Variants in PSMA1 observed in about 807,000 individuals in gnomAD.
PSMA1 encodes proteasome 20S subunit alpha 1.
In PSMA1, 3 loss-of-function variants were observed where a neutral mutation model predicts 38.4. That is an observed-to-expected ratio of 0.08 (90% CI 0.04 to 0.20). The LOEUF is 0.20. PSMA1 is among the 10% of genes least tolerant of loss of function. The pLI, the probability that PSMA1 is intolerant of heterozygous loss-of-function variation, is 1.00. For synonymous variants in PSMA1, 101 were observed against 107.1 expected, an observed-to-expected ratio of 0.94 and a Z score of 0.35; for missense variants, 227 against 325.3, an observed-to-expected ratio of 0.70 and a Z score of 2.32.
chr11:14,585,693 C>T (rs905214763), intron 2 of PSMA1, among the ~76,000 whole-genome samples: 1 of 152,336 alleles, frequency 6.6e-6, no homozygotes, highest in Non-Finnish European at 1.5e-5. Flanking sequence ...CTTTTATTCG[C>T]CCCTCCTACT....
intron 7 of PSMA1, 117 bp downstream of exon 7, chr11:14,513,453 T>TA: frequency 8.8e-7 from 1 of 1,133,740 alleles, no homozygotes; most frequent in Non-Finnish European, 1.1e-6. Flanking sequence ...TAATTTTTTT[T>TA]AAAAAAATTC....
At chr11:14,565,661 A>G (rs1467134211) in intron 2 of PSMA1, among the ~76,000 whole-genome samples, 4 of 152,350 alleles carry the variant, frequency 2.6e-5, no homozygotes, top group East Asian at 1.9e-4. Flanking sequence ...AATCCTTGGT[A>G]TATCATGGAG....
chr11:14,523,824 C>T (rs969386871), upstream of PSMA1, among the ~76,000 whole-genome samples: 1 of 151,790 alleles, frequency 6.6e-6, no homozygotes, highest in Non-Finnish European at 1.5e-5. Flanking sequence ...CTCAAGCTAT[C>T]CTCCTGCCTG....
At chr11:14,590,787 G>A (rs1193014870) in intron 2 of PSMA1, among the ~76,000 whole-genome samples, 2 of 152,296 alleles carry the variant, frequency 1.3e-5, no homozygotes, top group East Asian at 1.9e-4. Flanking sequence ...AGACCCGCAC[G>A]CCCAGATGAC....
chr11:14,534,905 GTC>G lies in PSMA1; in HGVS notation c.22-15866_22-15865del, dbSNP rs1459747326. ...AGCCTGGCCAACATGGCAAAACCCC[GTC>G]TCTACTAAAAATACAAAATTAGCGG... On this transcript the variant is annotated intron_variant, in intron 2 of 10. Transcript: ENST00000418988. The surrounding 1 kb of genome is among the most constrained non-coding windows in gnomAD (Gnocchi z 4.5). 6.6e-6 allele frequency among the ~76,000 whole-genome samples: 1 copy of G among 151,954 alleles called. No individual in the cohort carries two copies. Among genetic ancestry groups the G allele is most frequent in the Non-Finnish European group, 1.5e-5 (1 of 67,984 alleles).
At chr11:14,632,527 G>A (rs1189774876) in intron 1 of PSMA1, among the ~76,000 whole-genome samples, 1 of 148,788 alleles carries the variant, frequency 6.7e-6, no homozygotes, top group African/African-American at 2.5e-5. Context: ...GGTTTCTGCC[G>A]AGAGATCCGC....
At chr11:14,574,317 C>A (rs1399794723) in intron 2 of PSMA1, among the ~76,000 whole-genome samples, 1 of 152,192 alleles carries the variant, frequency 6.6e-6, no homozygotes, top group East Asian at 1.9e-4. Context: ...GCACACTGCT[C>A]CCTACATCCC....
intron 1 of PSMA1, among the ~76,000 whole-genome samples, chr11:14,617,685 G>A (rs985638180): frequency 7.1e-4 from 103 of 144,758 alleles, no homozygotes; most frequent in African/African-American, 2.5e-3. Context: ...ATATATATAC[G>A]TATATATATA....
intron 2 of PSMA1, among the ~76,000 whole-genome samples, chr11:14,589,760 T>A (rs1852389914): frequency 6.6e-6 from 1 of 151,992 alleles, no homozygotes; most frequent in Admixed American, 6.5e-5. Context: ...AAAGTAGAAA[T>A]CTTGAGGCAT....
chr11:14,601,968 G>A (rs967317898), intron 2 of PSMA1, among the ~76,000 whole-genome samples: 2 of 152,064 alleles, frequency 1.3e-5, no homozygotes, highest in African/African-American at 2.4e-5. Context: ...CACCTTTAAC[G>A]TCTACCCTAA....
At chr11:14,614,691 T>A (rs367733464) in intron 1 of PSMA1, among the ~76,000 whole-genome samples, 1 of 152,202 alleles carries the variant, frequency 6.6e-6, no homozygotes, top group East Asian at 1.9e-4. Context: ...TCATAGTTAC[T>A]AGGTCATCCA....
chr11:14,560,273 C>T (rs1026132274), intron 2 of PSMA1, among the ~76,000 whole-genome samples: 1 of 152,136 alleles, frequency 6.6e-6, no homozygotes, highest in Non-Finnish European at 1.5e-5. Flanking sequence ...CCTCCAGTAT[C>T]CTGGTTAGAC....
At chr11:14,612,665 AT>A (rs1187090758) in intron 1 of PSMA1, among the ~76,000 whole-genome samples, 2 of 152,176 alleles carry the variant, frequency 1.3e-5, no homozygotes, top group Non-Finnish European at 1.5e-5. Context: ...TAAATAAAAT[AT>A]TTTTTAAATA....
intron 2 of PSMA1, among the ~76,000 whole-genome samples, chr11:14,537,104 T>C (rs1851717798): frequency 6.6e-6 from 1 of 152,218 alleles, no homozygotes; most frequent in South Asian, 2.1e-4. Context: ...AATTCAATCC[T>C]TAGTCTGCCA....
chr11:14,585,156 G>T (rs749777262), intron 2 of PSMA1, among the ~76,000 whole-genome samples: 1 of 152,148 alleles, frequency 6.6e-6, no homozygotes, highest in Non-Finnish European at 1.5e-5. Context: ...CCTGACACTA[G>T]GCTCGATTGC....
chr11:14,638,537 CTCTCTCTCTATATATATATATATA>C (rs1420548879), intron 1 of PSMA1, among the ~76,000 whole-genome samples: 244 of 22,696 alleles, frequency 0.011, 1 homozygote, highest in Non-Finnish European at 0.016. Flanking sequence ...CTCTCTCTCT[CTCTCTCTCTATATATATATATATA>C]TATATATATA....
chr11:14,522,660 G>T (rs1851543016), upstream of PSMA1, among the ~76,000 whole-genome samples: 3 of 151,930 alleles, frequency 2.0e-5, no homozygotes, highest in Admixed American at 2.0e-4. Flanking sequence ...GGCTGTTTAT[G>T]TTACTTTAGT....
chr11:14,584,974 A>T (rs912350242), intron 2 of PSMA1, among the ~76,000 whole-genome samples: 1 of 152,272 alleles, frequency 6.6e-6, no homozygotes, highest in African/African-American at 2.4e-5. Flanking sequence ...ACACTACAGT[A>T]ACCCTCAGAG....
At chr11:14,508,076 C>A (rs1323201058) in intron 8 of PSMA1, among the ~76,000 whole-genome samples, 1 of 152,112 alleles carries the variant, frequency 6.6e-6, no homozygotes, top group Non-Finnish European at 1.5e-5. Flanking sequence ...ATTATCCAAT[C>A]ACCATAACAA....
Sources: gnomAD v4.1 joint callset for allele counts (sites outside exome capture counted in the v4.1 genomes callset) on GRCh38, gnomAD v4.1.1 for gene constraint, Gnocchi (gnomAD v3.1) non-coding constraint, MANE v1.5 for transcripts, NCBI Gene and HGNC (gene_info 2026-07-23, HGNC 2026-07-21) for gene names.